Variants in MOCOS observed in about 807,000 individuals in gnomAD.
MOCOS encodes human molybdenum cofactor sulfurase.
A neutral mutation model predicts 83.6 loss-of-function variants in MOCOS; 86 were observed. The observed-to-expected ratio is 1.03, with a 90% confidence interval of 0.86 to 1.23. The LOEUF is 1.23. Ranked by LOEUF, MOCOS falls within the 50% of genes most tolerant of loss-of-function variation. MOCOS has a pLI of 0.00. For synonymous variants in MOCOS, 445 were observed against 434.7 expected (o/e 1.02, Z -0.29); for missense variants, 1,120 against 1,126.9 (o/e 0.99, Z 0.09).
At chr18:36,203,275 G>C in intron 5 of MOCOS, 86 bp downstream of exon 5, 1 of 1,302,392 alleles carries the variant, frequency 7.7e-7, no homozygotes, top group Non-Finnish European at 1.1e-6. Context: ...AGGTAAAGGA[G>C]ACAGAGTCTG....
chr18:36,198,641 AAGC>A (rs757860871), intron 2 of MOCOS, 46 bp from the exon 3 acceptor site: 20 of 1,582,576 alleles, frequency 1.3e-5, no homozygotes, highest in Non-Finnish European at 1.7e-5. Context: ...AACACAAAAG[AAGC>A]GACCCTAAGT....
intron 4 of MOCOS, among the ~76,000 whole-genome samples, chr18:36,202,240 G>A (rs1285952451): frequency 6.6e-6 from 1 of 152,106 alleles, no homozygotes. Flanking sequence ...TACATCCCTT[G>A]ACAGAAACAA....
intron 9 of MOCOS, among the ~76,000 whole-genome samples, chr18:36,226,452 G>T (rs1039363044): frequency 1.3e-5 from 2 of 150,558 alleles, no homozygotes; most frequent in Non-Finnish European, 1.5e-5. Flanking sequence ...ATACAGTTGG[G>T]TTTTTTTTTA....
chr18:36,212,893 C>T (rs7235641), intron 6 of MOCOS, among the ~76,000 whole-genome samples: 1 of 152,332 alleles, frequency 6.6e-6, no homozygotes, highest in Non-Finnish European at 1.5e-5. Flanking sequence ...GTACTTGATT[C>T]ACAGCCTGGA....
intron 12 of MOCOS, among the ~76,000 whole-genome samples, chr18:36,258,728 A>C (rs997114981): frequency 1.3e-5 from 2 of 152,212 alleles, no homozygotes; most frequent in African/African-American, 4.8e-5. Flanking sequence ...GTACACAGTT[A>C]AATACAGTTT....
In MOCOS at chr18:36,241,344, T is replaced by TA. The variant is rs1254843607; in HGVS notation, c.1961-7578_1961-7577insA. Among the ~76,000 whole-genome samples, 3 of 152,248 alleles carry TA rather than the reference T, an allele frequency of 2.0e-5. No individual in the cohort carries two copies. In the East Asian group the frequency reaches 5.8e-4, roughly 29 times the overall value. On this transcript the variant is annotated intron_variant, in intron 9 of 14. Transcript: ENST00000261326. Reference sequence around the variant, plus strand: ...ATATACCCATTTTAAATGGGAGAAATTGGCCAAAACAAATGGTCTGCAGTC... The same window carrying TA: ...ATATACCCATTTTAAATGGGAGAAATATGGCCAAAACAAATGGTCTGCAGTC...
At chr18:36,222,444 G>A (rs765695977) in intron 9 of MOCOS, among the ~76,000 whole-genome samples, 1 of 152,074 alleles carries the variant, frequency 6.6e-6, no homozygotes, top group Non-Finnish European at 1.5e-5. Context: ...CCTGACAGGG[G>A]TAGAGTGATA....
intron 13 of MOCOS, among the ~76,000 whole-genome samples, chr18:36,263,653 T>C (rs2091671756): frequency 6.6e-6 from 1 of 152,106 alleles, no homozygotes; most frequent in Non-Finnish European, 1.5e-5. Context: ...CAATCTGGGA[T>C]GTCCTGGGAT....
intron 6 of MOCOS, among the ~76,000 whole-genome samples, chr18:36,209,284 T>C (rs929011803): frequency 6.6e-6 from 1 of 152,020 alleles, no homozygotes; most frequent in East Asian, 1.9e-4. Flanking sequence ...GCTTAAGTGA[T>C]CCTCCCACCT....
intron 9 of MOCOS, among the ~76,000 whole-genome samples, chr18:36,236,255 A>G (rs2091558382): frequency 1.6e-5 from 1 of 63,900 alleles, no homozygotes; most frequent in Non-Finnish European, 3.0e-5. Context: ...TAGGGTTTTT[A>G]TGGTTTTAGG....
chr18:36,240,742 G>A (rs1026806294), intron 9 of MOCOS, among the ~76,000 whole-genome samples: 14 of 152,164 alleles, frequency 9.2e-5, no homozygotes, highest in African/African-American at 2.4e-4. Context: ...CCTCGCTGCC[G>A]CCTTGCAGTT....
chr18:36,200,646 C>T (rs2091410257), intron 4 of MOCOS, among the ~76,000 whole-genome samples: 1 of 152,156 alleles, frequency 6.6e-6, no homozygotes, highest in Admixed American at 6.5e-5. Flanking sequence ...GGCCTCTGCC[C>T]TCAGCACTGA....
intron 6 of MOCOS, among the ~76,000 whole-genome samples, chr18:36,209,850 AG>A (rs1196873004): frequency 6.6e-6 from 1 of 152,144 alleles, no homozygotes; most frequent in African/African-American, 2.4e-5. Context: ...GTAGATACCC[AG>A]TAGTGACACC....
chr18:36,211,981 C>G (rs1035710688), intron 6 of MOCOS, among the ~76,000 whole-genome samples: 1 of 152,182 alleles, frequency 6.6e-6, no homozygotes, highest in African/African-American at 2.4e-5. Flanking sequence ...CTGTCTCGAG[C>G]CCTGAGGCTG....
chr18:36,213,926 A>G (rs2091465313), intron 7 of MOCOS, among the ~76,000 whole-genome samples: 1 of 144,418 alleles, frequency 6.9e-6, no homozygotes, highest in Non-Finnish European at 1.5e-5. Flanking sequence ...GCAAGACTCC[A>G]TCCCCCTCCA....
intron 8 of MOCOS, among the ~76,000 whole-genome samples, chr18:36,217,614 A>G (rs1208975970): frequency 6.6e-6 from 1 of 152,042 alleles, no homozygotes; most frequent in Non-Finnish European, 1.5e-5. Context: ...TGCTGTTAAA[A>G]CCTAACCTGT....
chr18:36,228,372 A>G (rs1598581827), intron 9 of MOCOS, among the ~76,000 whole-genome samples: 1 of 152,194 alleles, frequency 6.6e-6, no homozygotes, highest in African/African-American at 2.4e-5. Context: ...ATAAAAACAC[A>G]TGCATGCATA....
chr18:36,240,944 T>C (rs943483812), intron 9 of MOCOS, among the ~76,000 whole-genome samples: 2 of 152,232 alleles, frequency 1.3e-5, no homozygotes, highest in African/African-American at 4.8e-5. Flanking sequence ...GGGAACTCCC[T>C]GACCCCTTGT....
intron 6 of MOCOS, among the ~76,000 whole-genome samples, chr18:36,209,731 C>T (rs1257787079): frequency 6.6e-6 from 1 of 152,176 alleles, no homozygotes; most frequent in African/African-American, 2.4e-5. Context: ...TCTTTATCCA[C>T]TCATTGGTTG....
Sources: allele counts gnomAD v4.1 joint callset (sites outside exome capture counted in the v4.1 genomes callset), GRCh38; gene constraint gnomAD v4.1.1; transcripts MANE v1.5; gene names NCBI Gene and HGNC (gene_info 2026-07-23, HGNC 2026-07-21).